The following MAD1L1 variants were observed in gnomAD, a reference collection of about 807,000 sequenced individuals.
MAD1L1 encodes the protein mitotic spindle assembly checkpoint protein MAD1.
MAD1L1 carries 95 observed loss-of-function variants against 96.9 expected under a neutral mutation model. The ratio of observed to expected loss-of-function variants is 0.98; its 90% CI spans 0.83 to 1.16. MAD1L1 has a LOEUF of 1.16. Among genes scored for constraint, MAD1L1 ranks in the 50% most tolerant of loss-of-function variants. MAD1L1 has a pLI of 0.00. For synonymous variants in MAD1L1, 473 were observed against 396.6 expected, an observed-to-expected ratio of 1.19 and a Z score of -2.29; for missense variants, 1,007 against 954.4, an observed-to-expected ratio of 1.06 and a Z score of -0.73.
At chr7:2,188,761 A>G (rs1791578620) in intron 10 of MAD1L1, among the ~76,000 whole-genome samples, 1 of 152,204 alleles carries the variant, frequency 6.6e-6, no homozygotes, top group Non-Finnish European at 1.5e-5. Flanking sequence ...GGTTTATGAC[A>G]TGGGATTTGG....
At chr7:1,836,131 C>A (rs1384013062) in intron 18 of MAD1L1, among the ~76,000 whole-genome samples, 2 of 152,194 alleles carry the variant, frequency 1.3e-5, no homozygotes. Flanking sequence ...AAGCAATTCT[C>A]CTGCCTCAGC....
At chr7:2,171,919 T>C (rs1790726464) in intron 10 of MAD1L1, among the ~76,000 whole-genome samples, 1 of 152,154 alleles carries the variant, frequency 6.6e-6, no homozygotes, top group Non-Finnish European at 1.5e-5. Context: ...CAGCCACATC[T>C]GGAGGGTCCC....
At chr7:2,110,819 C>T (rs985584157) in intron 11 of MAD1L1, among the ~76,000 whole-genome samples, 1 of 152,198 alleles carries the variant, frequency 6.6e-6, no homozygotes, top group Non-Finnish European at 1.5e-5. Flanking sequence ...CCATAAGAAG[C>T]GCTTTCTGCA....
At chr7:1,849,041 T>A (rs1346034039) in intron 18 of MAD1L1, 1 of 114,492 alleles carries the variant, frequency 8.7e-6, no homozygotes, top group Non-Finnish European at 1.8e-5. Flanking sequence ...AGCACGGGTG[T>A]ACATGTACAC....
At chr7:1,821,566 C>G (rs1412037508) in intron 18 of MAD1L1, among the ~76,000 whole-genome samples, 1 of 152,072 alleles carries the variant, frequency 6.6e-6, no homozygotes, top group South Asian at 2.1e-4. Flanking sequence ...CAGCAACACA[C>G]GAAAAAGAGT....
intron 10 of MAD1L1, among the ~76,000 whole-genome samples, chr7:2,172,257 G>A (rs1198617430): frequency 2.6e-5 from 4 of 152,172 alleles, no homozygotes; most frequent in South Asian, 2.1e-4. Flanking sequence ...GAGACACCAC[G>A]ACCCTTCCCA....
At chr7:1,926,914 T>C (rs760827606) in intron 17 of MAD1L1, among the ~76,000 whole-genome samples, 1 of 152,142 alleles carries the variant, frequency 6.6e-6, no homozygotes, top group South Asian at 2.1e-4. Context: ...AGAAGACATA[T>C]GGATCTTAAC....
At chr7:2,198,555 G>A (rs993972942) in intron 10 of MAD1L1, among the ~76,000 whole-genome samples, 2 of 152,228 alleles carry the variant, frequency 1.3e-5, no homozygotes, top group South Asian at 4.1e-4. Context: ...GACAGCAATC[G>A]CGCTCTGCGG....
At chr7:1,834,785 A>C (rs1416229897) in intron 18 of MAD1L1, among the ~76,000 whole-genome samples, 3 of 152,218 alleles carry the variant, frequency 2.0e-5, no homozygotes, top group East Asian at 3.9e-4. Flanking sequence ...ACTGAAGAGG[A>C]GGAATGCTTT....
intron 12 of MAD1L1, among the ~76,000 whole-genome samples, chr7:2,023,992 T>G (rs894982294): frequency 2.0e-5 from 3 of 148,744 alleles, no homozygotes; most frequent in Admixed American, 1.3e-4. Flanking sequence ...AAATAAATAA[T>G]AAAAATTACA....
At chr7:2,126,461 C>A (rs2128564689) in intron 11 of MAD1L1, among the ~76,000 whole-genome samples, 1 of 152,308 alleles carries the variant, frequency 6.6e-6, no homozygotes, top group East Asian at 1.9e-4. Context: ...AGGTCCTGTG[C>A]ACAGCTGCGG....
At chr7:1,897,948 A>G (rs12670835) in intron 18 of MAD1L1, among the ~76,000 whole-genome samples, 8,778 of 152,290 alleles carry the variant, frequency 0.058, 589 homozygotes, top group African/African-American at 0.16. Context: ...AGAGGCTGAG[A>G]AAGTCAGGGG....
At chr7:1,961,864 G>C (rs540674544) in intron 15 of MAD1L1, among the ~76,000 whole-genome samples, 1 of 145,570 alleles carries the variant, frequency 6.9e-6, no homozygotes, top group Admixed American at 6.8e-5. Flanking sequence ...TACCATTCTC[G>C]TGTGTTGTGG....
chr7:1,947,618 C>A (rs927945439), intron 16 of MAD1L1, among the ~76,000 whole-genome samples: 1 of 151,216 alleles, frequency 6.6e-6, no homozygotes, highest in Non-Finnish European at 1.5e-5. Flanking sequence ...ATCTCCTGCC[C>A]GTGGCCTTGC....
At chr7:2,185,658 T>C (rs1302434202) in intron 10 of MAD1L1, among the ~76,000 whole-genome samples, 1 of 152,152 alleles carries the variant, frequency 6.6e-6, no homozygotes, top group East Asian at 1.9e-4. Flanking sequence ...TTAATGCTTC[T>C]AGATTTCTAA....
intron 18 of MAD1L1, among the ~76,000 whole-genome samples, chr7:1,888,658 G>C (rs907833748): frequency 1.3e-5 from 2 of 151,596 alleles, no homozygotes; most frequent in Non-Finnish European, 1.5e-5. Flanking sequence ...GTGCGCGCAT[G>C]TGTGTATGTG....
chr7:1,964,727 G>T (rs929830314), intron 15 of MAD1L1, among the ~76,000 whole-genome samples: 1 of 152,264 alleles, frequency 6.6e-6, no homozygotes, highest in Non-Finnish European at 1.5e-5. Context: ...CTCCGAGCGT[G>T]TGCGTGGAAA....
intron 18 of MAD1L1, among the ~76,000 whole-genome samples, chr7:1,866,390 C>T (rs1245219103): frequency 6.6e-6 from 1 of 152,206 alleles, no homozygotes; most frequent in South Asian, 2.1e-4. Context: ...CTAACTGGTT[C>T]TGTAAAGCTC....
At chr7:1,930,897 C>G (rs1485022050) in intron 17 of MAD1L1, among the ~76,000 whole-genome samples, 1 of 152,208 alleles carries the variant, frequency 6.6e-6, no homozygotes, top group Non-Finnish European at 1.5e-5. Context: ...AACCCATGCT[C>G]AGGGCCAGCC....
Sources: gnomAD v4.1 joint callset for allele counts (sites outside exome capture counted in the v4.1 genomes callset) on GRCh38, gnomAD v4.1.1 for gene constraint, MANE v1.5 for transcripts, NCBI Gene and HGNC (gene_info 2026-07-23, HGNC 2026-07-21) for gene names.